Variants in SART3 observed in about 807,000 individuals in gnomAD.
SART3 encodes the protein HIV-1 Tat-interacting protein of 110kDa.
Under a neutral mutation model 122.3 loss-of-function variants are expected in SART3, and 44 were observed. The observed-to-expected ratio is 0.36, with a 90% CI of 0.28 to 0.46. The LOEUF is 0.46. Ranked by LOEUF, SART3 falls within the 20% of genes least tolerant of loss-of-function variation. The pLI is 1.00. For missense variants in SART3, 1,101 were observed against 1,229.0 expected (o/e 0.90, Z 1.56); for synonymous variants, 442 against 454.0 (o/e 0.97, Z 0.34).
chr12:108,560,935 A>G lies in SART3; in HGVS notation c.220T>C (p.Ser74Pro), dbSNP rs1229981142. Residue 74 changes from serine (S) to proline (P), a missense_variant, in exon 1 of 19, where the codon TCC (serine) becomes CCC (proline). Transcript: ENST00000546815. Reference protein sequence around the residue: ...ESDGDEYAMASSAESSPGEYE... With the variant: ...ESDGDEYAMAPSAESSPGEYE... ...TCCCCGGGGGAGCTCTCCGCGGAGG[A>G]AGCCATGGCGTACTCATCCCCATCG... 6.2e-7 allele frequency: 1 copy of G among 1,613,852 alleles called. No individual in the cohort carries two copies. Among genetic ancestry groups the G allele is most frequent in the Admixed American group, 1.7e-5 (1 of 60,012 alleles).
At chr12:108,556,724 T>C (rs996667968) in intron 1 of SART3, among the ~76,000 whole-genome samples, 6 of 152,356 alleles carry the variant, frequency 3.9e-5, no homozygotes, top group African/African-American at 9.6e-5. Flanking sequence ...AAATCACCTA[T>C]CAAGTGTGTC....
intron 1 of SART3, among the ~76,000 whole-genome samples, chr12:108,552,471 TTAAAAA>T (rs2030046201): frequency 2.2e-5 from 1 of 45,318 alleles, no homozygotes; most frequent in Admixed American, 2.8e-4. Flanking sequence ...AAGGAACCAA[TTAAAAA>T]AAAAAAAAAC....
At position 108,545,190 on chromosome 12, in the gene SART3, G is replaced by C. The variant is rs766154032; in HGVS notation, c.678C>G (p.Ala226=). ...SVGLHMTKGL[A]LWEAYREFES... ...CAAACTCTCGGTAAGCCTCCCAGAGGGCGAGTCCTTTGGTCATATGTAAAC... is the reference window on the plus strand; with the variant it reads ...CAAACTCTCGGTAAGCCTCCCAGAGCGCGAGTCCTTTGGTCATATGTAAAC... The change falls in exon 4 of 19, where the codon GCC becomes GCG. Residue 226 remains alanine, a synonymous_variant. Transcript: ENST00000546815. The C allele has an allele frequency of 6.2e-6, 10 of 1,613,984 alleles. No homozygotes were observed. Among genetic ancestry groups the C allele is most frequent in the Non-Finnish European group, 5.9e-6 (7 of 1,180,006 alleles).
At chr12:108,546,992 G>T (rs1592770570) in intron 3 of SART3, among the ~76,000 whole-genome samples, 1 of 152,126 alleles carries the variant, frequency 6.6e-6, no homozygotes, top group African/African-American at 2.4e-5. Context: ...GCTAATTTTT[G>T]TATTTTTAGC....
In SART3 at chr12:108,536,376, C is replaced by T. The variant is rs1014240307; in HGVS notation, c.1446+138G>A. On this transcript the variant is annotated intron_variant, in intron 11 of 18. Coordinates refer to ENST00000546815, the MANE Select transcript of SART3 (RefSeq NM_014706.4). ...AACATGAATCCTTGTGGAGCCTAGACCATTACCTAGGTAATAACATAAATC... is the reference window on the plus strand; with the variant it reads ...AACATGAATCCTTGTGGAGCCTAGATCATTACCTAGGTAATAACATAAATC... 4.7e-6 allele frequency: 4 copies of T among 855,200 alleles called. No homozygotes were observed. In the African/African-American group the frequency reaches 5.0e-5, roughly 11 times the overall value. The allele number at this position is 855,200 out of a possible 1,614,324, so 53.0% of individuals were successfully genotyped here.
intron 5 of SART3, among the ~76,000 whole-genome samples, 194 bp downstream of exon 5, chr12:108,544,233 C>A (rs1276208352): frequency 1.3e-5 from 2 of 152,210 alleles, no homozygotes; most frequent in African/African-American, 4.8e-5. Context: ...CTCTGACCCT[C>A]ACAACCCTCT....
chr12:108,536,801 A>T lies in SART3; in HGVS notation c.1310-16T>A. The T allele has an allele frequency of 6.2e-7, 1 of 1,612,708 alleles. No homozygotes were observed. Among genetic ancestry groups the T allele is most frequent in the East Asian group, 2.2e-5 (1 of 44,872 alleles). On this transcript the variant is annotated splice_polypyrimidine_tract_variant and intron_variant, in intron 9 of 18. Coordinates refer to ENST00000546815, the MANE Select transcript of SART3 (RefSeq NM_014706.4). Reference sequence around the variant, plus strand: ...TTACTGGAGTCTAACGGAAAGTGCAAAAAAAGGCTTTAGGAAACCACATAG... The same window carrying T: ...TTACTGGAGTCTAACGGAAAGTGCATAAAAAGGCTTTAGGAAACCACATAG...
rs1351128478 is a variant in SART3, at chr12:108,530,246, G to A, written c.1811C>T (p.Ala604Val). The A allele has an allele frequency of 3.1e-6, 5 of 1,614,120 alleles. No individual in the cohort carries two copies. The highest frequency in any genetic ancestry group is 3.3e-5 in the Admixed American group (2 of 60,014). The change falls in exon 15 of 19, where the codon GCT (alanine) becomes GTT (valine). Residue 604 changes from alanine (A) to valine (V), a missense_variant. Coordinates refer to ENST00000546815, the MANE Select transcript of SART3 (RefSeq NM_014706.4). ...TTTTAACGCTTTCTTCTCAGCCCGA[G>A]CTCTTTTCCGTTGTTCAGCCTTTTC... ...EEEKAEQRKR[A>V]RAEKKALKKK...
chr12:108,561,109 A>G lies in SART3; in HGVS notation c.46T>C (p.Ser16Pro), dbSNP rs1283315029. 4 of 1,613,724 alleles carry G rather than the reference A, an allele frequency of 2.5e-6. No homozygotes were observed. The highest frequency in any genetic ancestry group is 2.5e-6 in the Non-Finnish European group (3 of 1,179,762). The change falls in exon 1 of 19, where the codon TCC (serine) becomes CCC (proline). Residue 16 changes from serine to proline, a missense_variant. Ser to Pro is a moderately conservative substitution (Grantham distance 74, BLOSUM62 -1). Transcript: ENST00000546815. ...ETSASEPEAE[S>P]KAGPKADGEE... ...CCGTCAGCCTTGGGCCCAGCCTTGGACTCAGCCTCGGGTTCTGAAGCCGAG... is the reference window on the plus strand; with the variant it reads ...CCGTCAGCCTTGGGCCCAGCCTTGGGCTCAGCCTCGGGTTCTGAAGCCGAG...
chr12:108,543,791 G>C (rs988098896), intron 5 of SART3, among the ~76,000 whole-genome samples: 1 of 152,160 alleles, frequency 6.6e-6, no homozygotes, highest in South Asian at 2.1e-4. Flanking sequence ...ACACATGCCC[G>C]TGTCTAGGGA....
intron 15 of SART3, 76 bp downstream of exon 15, chr12:108,530,062 GAAGA>G (rs1424247710): frequency 9.9e-6 from 15 of 1,515,230 alleles, no homozygotes; most frequent in Non-Finnish European, 1.4e-5. Context: ...ACGGTTCAGG[GAAGA>G]AAGTTCTTCA....
chr12:108,537,405 G>A lies in SART3; in HGVS notation c.1309+83C>T, dbSNP rs566889375. The A allele has an allele frequency of 7.9e-6, 8 of 1,010,416 alleles. No homozygotes were observed. The South Asian group carries it at 9.1e-5, about 12-fold the overall frequency. The allele number at this position is 1,010,416 out of a possible 1,614,324, so 62.6% of individuals were successfully genotyped here. ...TCTACATCATTTGCCCAATCACAAT[G>A]TATCTGGGGAACTGGGACATCTCGC... On this transcript the variant is annotated intron_variant, in intron 9 of 18. Coordinates refer to ENST00000546815, the MANE Select transcript of SART3 (RefSeq NM_014706.4).
At position 108,525,485 on chromosome 12, in the gene SART3, A is replaced by G. The variant is rs1280870140; in HGVS notation, c.2495T>C (p.Leu832Pro). The stretch of plus-strand genomic sequence containing the variant: ...TGGTTTGCCAGCCCGGTTGGTGACC[A>G]GCCTGAGGTCCTTCACGGTGCCATG... ...KAHGTVKDLR[L>P]VTNRAGKPKG... The change falls in exon 17 of 19, where the codon CTG becomes CCG. Residue 832 changes from leucine (L) to proline (P), a missense_variant. By Grantham distance (98) the Leu-to-Pro change is moderately conservative. Transcript: ENST00000546815. The G allele has an allele frequency of 6.2e-7, 1 of 1,614,238 alleles. No homozygotes were observed. Among genetic ancestry groups the G allele is most frequent in the Non-Finnish European group, 8.5e-7 (1 of 1,180,040 alleles).
rs951898363 is a variant in SART3, at chr12:108,525,628, C to T, written c.2371-19G>A. 1.9e-6 allele frequency: 3 copies of T among 1,613,642 alleles called. No homozygotes were observed. The highest frequency in any genetic ancestry group is 2.5e-6 in the Non-Finnish European group (3 of 1,179,552). On this transcript the variant is annotated intron_variant, in intron 16 of 18. Coordinates refer to ENST00000546815, the MANE Select transcript of SART3 (RefSeq NM_014706.4). ...TGAACACCTATAGGAAGAAGGAAGA[C>T]AGAGAAAAACCATGATTCGAGGCAT...
At position 108,560,852 on chromosome 12, in the gene SART3, C is replaced by T; in HGVS notation, c.303G>A (p.Leu101=). 1 of 1,589,554 alleles carries T rather than the reference C, an allele frequency of 6.3e-7. No homozygotes were observed. Among genetic ancestry groups the T allele is most frequent in the Non-Finnish European group, 8.6e-7 (1 of 1,163,876 alleles). ...EEKNQLEIER[L]EEQLSINVYD... is the part of the protein sequence containing the mutation. ...CCACCCCCGGGCCCACCTGCTCCTC[C>T]AGTCTCTCAATCTCCAGCTGGTTTT... The change falls in exon 1 of 19, where the codon CTG becomes CTA. Residue 101 remains leucine, a synonymous_variant. Transcript: ENST00000546815.
chr12:108,543,072 C>T lies in SART3; in HGVS notation c.862G>A (p.Ala288Thr). ...TTATATTTCTCCAGCTGCTGTAGTG[C>T]TTTGTTATAGTTCTGAATTACTGAC... ...PESVIQNYNK[A>T]LQQLEKYKPY... Residue 288 changes from alanine (A) to threonine (T), a missense_variant, in exon 6 of 19, where the codon GCA becomes ACA. By Grantham distance (58) the Ala-to-Thr change is moderately conservative. Coordinates refer to ENST00000546815, the MANE Select transcript of SART3 (RefSeq NM_014706.4). 1.2e-6 allele frequency: 2 copies of T among 1,614,204 alleles called. No homozygotes were observed. The highest frequency in any genetic ancestry group is 1.7e-6 in the Non-Finnish European group (2 of 1,180,024).
rs371714925 is a variant in SART3, at chr12:108,547,966, G to A, written c.465C>T (p.Asp155=). Residue 155 remains aspartate, a synonymous_variant, in exon 3 of 19, where the codon GAC becomes GAT. Coordinates refer to ENST00000546815, the MANE Select transcript of SART3 (RefSeq NM_014706.4). ...GGCCATCCTGGGCCATGCTGATCTC[G>A]TCATGCAGCCACTCCAGCCAGAGCT... ...TEELWLEWLH[D]EISMAQDGLD... is the part of the protein sequence containing the mutation. 94 of 1,613,420 alleles carry A rather than the reference G, an allele frequency of 5.8e-5. 1 individual carries two copies. In the South Asian group the frequency reaches 7.8e-4, roughly 13 times the overall value.
At chr12:108,540,450 A>G (rs1174523271) in intron 6 of SART3, among the ~76,000 whole-genome samples, 1 of 152,216 alleles carries the variant, frequency 6.6e-6, no homozygotes, top group Non-Finnish European at 1.5e-5. Flanking sequence ...GGACAAATTT[A>G]TAATATTATT....
intron 7 of SART3, 68 bp downstream of exon 7, chr12:108,538,866 C>T: frequency 6.3e-7 from 1 of 1,591,812 alleles, no homozygotes; most frequent in Non-Finnish European, 8.6e-7. Flanking sequence ...AAACTCCTGG[C>T]ACTCTTACTG....
Sources: allele counts gnomAD v4.1 joint callset (sites outside exome capture counted in the v4.1 genomes callset), GRCh38; gene constraint gnomAD v4.1.1; transcripts MANE v1.5; gene names NCBI Gene and HGNC (gene_info 2026-07-23, HGNC 2026-07-21).